CA10: variants seen among roughly 807,000 people sequenced by gnomAD.
CA10 encodes carbonic anhydrase 10 (inactive).
A neutral mutation model predicts 44.2 loss-of-function variants in CA10; 14 were observed. That is an observed-to-expected ratio of 0.32 (90% CI 0.21 to 0.50). CA10 has a LOEUF of 0.50. CA10 is among the 20% of genes least tolerant of loss of function. CA10 has a pLI of 0.99. For missense variants in CA10, 350 were observed against 409.7 expected (o/e 0.85, Z 1.26); for synonymous variants, 159 against 141.6 (o/e 1.12, Z -0.87).
At chr17:51,961,949 C>T (rs1377553136) in intron 2 of CA10, among the ~76,000 whole-genome samples, 2 of 152,028 alleles carry the variant, frequency 1.3e-5, no homozygotes, top group African/African-American at 4.8e-5. Context: ...AGGCCCTCTC[C>T]ACTTCATGCC....
chr17:51,740,652 C>T (rs760055702), intron 4 of CA10, among the ~76,000 whole-genome samples: 2 of 152,214 alleles, frequency 1.3e-5, no homozygotes, highest in Non-Finnish European at 2.9e-5. Context: ...CTGCAGCAGC[C>T]TCTGGCCCTG....
chr17:51,920,224 A>G (rs1305928254), intron 3 of CA10, among the ~76,000 whole-genome samples: 1 of 152,186 alleles, frequency 6.6e-6, no homozygotes, highest in Admixed American at 6.5e-5. Context: ...AAAATGTTCC[A>G]TGAAAGTGGA....
At chr17:52,024,318 G>A (rs1332826826) in intron 2 of CA10, among the ~76,000 whole-genome samples, 1 of 152,038 alleles carries the variant, frequency 6.6e-6, no homozygotes, top group African/African-American at 2.4e-5. Context: ...CTTAGACATA[G>A]TCACATATGT....
intron 3 of CA10, among the ~76,000 whole-genome samples, chr17:51,795,857 C>T (rs16950528): frequency 0.025 from 3,805 of 152,298 alleles, 156 homozygotes; most frequent in African/African-American, 0.085. Flanking sequence ...CATACTAATG[C>T]TTCCAAATGT....
intron 2 of CA10, among the ~76,000 whole-genome samples, chr17:51,939,987 T>A (rs1983016373): frequency 1.3e-5 from 2 of 152,106 alleles, no homozygotes; most frequent in Non-Finnish European, 2.9e-5. Context: ...GTTATATACG[T>A]GTTTTTCTTA....
intron 1 of CA10, among the ~76,000 whole-genome samples, chr17:52,141,158 G>T (rs1313926810): frequency 6.6e-6 from 1 of 152,166 alleles, no homozygotes; most frequent in African/African-American, 2.4e-5. Context: ...CCTTAGGGGA[G>T]GGTGACTTTC....
At chr17:51,658,107 G>A (rs72830552) in intron 4 of CA10, among the ~76,000 whole-genome samples, 287 of 152,318 alleles carry the variant, frequency 1.9e-3, no homozygotes, top group Non-Finnish European at 3.3e-3. Context: ...TACCAGTCTT[G>A]TCATGATGCT....
chr17:52,025,953 A>C (rs1249308170), intron 2 of CA10, among the ~76,000 whole-genome samples: 1 of 152,070 alleles, frequency 6.6e-6, no homozygotes, highest in Non-Finnish European at 1.5e-5. Context: ...AGAAATATAT[A>C]TATACACATA....
intron 3 of CA10, among the ~76,000 whole-genome samples, chr17:51,848,941 G>T (rs913981508): frequency 3.3e-5 from 5 of 151,606 alleles, no homozygotes; most frequent in African/African-American, 1.2e-4. Flanking sequence ...AGCTACTCAG[G>T]ACACTGAAGC....
intron 1 of CA10, among the ~76,000 whole-genome samples, chr17:52,143,200 C>T (rs1598237746): frequency 2.0e-5 from 3 of 152,138 alleles, no homozygotes; most frequent in Admixed American, 2.0e-4. Flanking sequence ...ACATATCTAT[C>T]CATCTATGTA....
chr17:52,104,640 C>T (rs191155271), intron 1 of CA10, among the ~76,000 whole-genome samples: 113 of 152,294 alleles, frequency 7.4e-4, no homozygotes, highest in African/African-American at 2.4e-3. Context: ...ACCTCCTTCT[C>T]CTCCTCTCTT....
intron 3 of CA10, among the ~76,000 whole-genome samples, chr17:51,775,143 T>C (rs1196794500): frequency 6.6e-6 from 1 of 152,046 alleles, no homozygotes; most frequent in African/African-American, 2.4e-5. Flanking sequence ...GTGACTTGAG[T>C]GAAAGGACTG....
At chr17:52,010,848 A>C (rs1326648202) in intron 2 of CA10, among the ~76,000 whole-genome samples, 5 of 151,928 alleles carry the variant, frequency 3.3e-5, no homozygotes, top group African/African-American at 1.2e-4. Flanking sequence ...ATCCAATCAA[A>C]AACTTAAATC....
chr17:51,633,003 G>A (rs1226099266), intron 8 of CA10, among the ~76,000 whole-genome samples: 1 of 152,168 alleles, frequency 6.6e-6, no homozygotes, highest in Admixed American at 6.5e-5. Context: ...CTAGGGGAAA[G>A]CAGGTCTTTC....
chr17:51,657,687 T>TGG (rs1307181038), intron 4 of CA10, among the ~76,000 whole-genome samples: 1 of 152,216 alleles, frequency 6.6e-6, no homozygotes, highest in Non-Finnish European at 1.5e-5. Flanking sequence ...ATAATTTAGA[T>TGG]GGGCCCTAAG....
At chr17:51,743,872 C>T (rs915400290) in intron 4 of CA10, among the ~76,000 whole-genome samples, 1 of 152,162 alleles carries the variant, frequency 6.6e-6, no homozygotes, top group Non-Finnish European at 1.5e-5. Context: ...TAACCAGATT[C>T]GCGCAATCTA....
Position 51,631,482 on chromosome 17 carries a change from G to C in CA10, c.*102C>G. The C allele has an allele frequency of 1.8e-6, 2 of 1,100,874 alleles. No individual in the cohort carries two copies. Among genetic ancestry groups the C allele is most frequent in the Non-Finnish European group, 2.8e-6 (2 of 718,400 alleles). The allele number at this position is 1,100,874 out of a possible 1,614,324, so 68.2% of individuals were successfully genotyped here. A position where few individuals can be genotyped will look rare whatever the true frequency, so the allele number is the denominator to read the frequency against. ...CCAATCCCAAGAATGAATGAGGCTT[G>C]GGGGAAAGAAGGAGAGAGAAGCAAG... is the stretch of plus-strand genomic sequence containing the variant. On this transcript the variant is annotated 3_prime_UTR_variant, in exon 9 of 9. Coordinates refer to ENST00000451037, the MANE Select transcript of CA10 (RefSeq NM_020178.5).
At chr17:52,019,507 A>G (rs1986070477) in intron 2 of CA10, among the ~76,000 whole-genome samples, 1 of 152,094 alleles carries the variant, frequency 6.6e-6, no homozygotes, top group African/African-American at 2.4e-5. Context: ...CAGCAGATAG[A>G]AGGTATTTGG....
intron 4 of CA10, among the ~76,000 whole-genome samples, chr17:51,692,529 TTTTC>T (rs1473644438): frequency 6.6e-6 from 1 of 152,146 alleles, no homozygotes; most frequent in Admixed American, 6.5e-5. Flanking sequence ...TGGATAATCA[TTTTC>T]TTTCTTTCTC....
Sources: gnomAD v4.1 joint callset for allele counts (sites outside exome capture counted in the v4.1 genomes callset) on GRCh38, gnomAD v4.1.1 for gene constraint, MANE v1.5 for transcripts, NCBI Gene and HGNC (gene_info 2026-07-23, HGNC 2026-07-21) for gene names.